The following CCN2 variants were observed in gnomAD, a reference collection of about 807,000 sequenced individuals.
The protein encoded by CCN2 is cellular communication network factor 2.
Under a neutral mutation model 33.2 loss-of-function variants are expected in CCN2, and 22 were observed. The ratio of observed to expected loss-of-function variants is 0.66; its 90% CI spans 0.47 to 0.95. The LOEUF (loss-of-function observed/expected upper bound fraction) is 0.95, where lower values mean the gene tolerates loss of function less well. Among genes scored for constraint, CCN2 ranks in the 40% least tolerant of loss-of-function variants. CCN2 has a pLI of 0.00. For synonymous variants in CCN2, 178 were observed against 200.6 expected (o/e 0.89, Z 0.95); for missense variants, 469 against 498.8 (o/e 0.94, Z 0.57).
In CCN2 at chr6:131,948,986, C is replaced by T; in HGVS notation, c.*278G>A. On this transcript the variant is annotated 3_prime_UTR_variant, in exon 5 of 5. Coordinates refer to ENST00000367976, the MANE Select transcript of CCN2 (RefSeq NM_001901.4). ...TGATACTAACCTTTCTGCTGGTACC[C>T]TCCCACTGCTCCTAAAGCCACACCT... 2.2e-6 allele frequency: 1 copy of T among 458,388 alleles called. No homozygotes were observed. The highest frequency in any genetic ancestry group is 4.0e-6 in the Non-Finnish European group (1 of 249,478). The allele number at this position is 458,388 out of a possible 1,614,324, so 28.4% of individuals were successfully genotyped here.
rs1192991215 is a variant in CCN2, at chr6:131,950,713, G to T, written c.289+57C>A. ...GAGCGGTTTCTTTTTCCAGCGGGCG[G>T]GTGGGCGTGAGGGAGGAGGCGGCCG... On this transcript the variant is annotated intron_variant, in intron 2 of 4. Coordinates refer to ENST00000367976, the MANE Select transcript of CCN2 (RefSeq NM_001901.4). This position sits in a 1 kb window ranked among gnomAD's most constrained non-coding sequence, Gnocchi z 7.1. 1.4e-6 allele frequency: 2 copies of T among 1,480,884 alleles called. No homozygotes were observed. Among genetic ancestry groups the T allele is most frequent in the African/African-American group, 2.8e-5 (2 of 72,296 alleles). 91.7% of individuals were successfully genotyped at this position (1,480,884 alleles called of 1,614,324 possible).
chr6:131,950,079 G>A lies in CCN2; in HGVS notation c.623C>T (p.Ala208Val). Reference sequence around the variant, plus strand: ...GCCCATCCCACAGGTCTTGGAACAGGCGCTCCACTCTGTGGTCTGGACCAG... The same window carrying A: ...GCCCATCCCACAGGTCTTGGAACAGACGCTCCACTCTGTGGTCTGGACCAG... ...NCLVQTTEWSACSKTCGMGIS... is the reference protein window; with the variant it reads ...NCLVQTTEWSVCSKTCGMGIS... The change falls in exon 4 of 5, where the codon GCC (alanine) becomes GTC (valine). Residue 208 changes from alanine (A) to valine (V), a missense_variant. Transcript: ENST00000367976. The surrounding 1 kb of genome is among the most constrained non-coding windows in gnomAD (Gnocchi z 7.1). 4 of 1,614,248 alleles carry A rather than the reference G, an allele frequency of 2.5e-6. No individual in the cohort carries two copies. The highest frequency in any genetic ancestry group is 3.4e-6 in the Non-Finnish European group (4 of 1,180,044).
Position 131,949,181 on chromosome 6 carries a change from A to C in CCN2, c.*83T>G, listed in dbSNP as rs1393833714. On this transcript the variant is annotated 3_prime_UTR_variant, in exon 5 of 5. Transcript: ENST00000367976. ...AAAACAGATTTAAATAACTTGTGCT[A>C]CTGAAATCATTTTTACGGAAAAATG... 1.6e-6 allele frequency: 2 copies of C among 1,213,876 alleles called. No homozygotes were observed. Among genetic ancestry groups the C allele is most frequent in the Non-Finnish European group, 2.4e-6 (2 of 835,752 alleles). The allele number at this position is 1,213,876 out of a possible 1,614,324, so 75.2% of individuals were successfully genotyped here. A position where few individuals can be genotyped will look rare whatever the true frequency, so the allele number is the denominator to read the frequency against.
chr6:131,950,601 C>T lies in CCN2; in HGVS notation c.290-58G>A, dbSNP rs775665838. ...GATGCAGAGGTCAGGCATTGGGGCACTCTCACATCCAGAGCGTCAGGGATG... is the reference window on the plus strand; with the variant it reads ...GATGCAGAGGTCAGGCATTGGGGCATTCTCACATCCAGAGCGTCAGGGATG... On this transcript the variant is annotated intron_variant, in intron 2 of 4. Transcript: ENST00000367976. This position sits in a 1 kb window ranked among gnomAD's most constrained non-coding sequence, Gnocchi z 7.1. 2.5e-6 allele frequency: 4 copies of T among 1,584,524 alleles called. No individual in the cohort carries two copies. The East Asian group carries it at 6.7e-5, about 27-fold the overall frequency.
Position 131,949,929 on chromosome 6 carries a change from A to C in CCN2, c.753+20T>G. ...ACTGTTTTTCCTGTGAAAAATAGTT[A>C]ATAGGAGCAGAACATGTACCTTAAT... On this transcript the variant is annotated intron_variant, in intron 4 of 4. Transcript: ENST00000367976. 1 of 1,611,198 alleles carries C rather than the reference A, an allele frequency of 6.2e-7. No homozygotes were observed. The highest frequency in any genetic ancestry group is 1.1e-5 in the South Asian group (1 of 90,920).
intron 4 of CCN2, 102 bp downstream of exon 4, chr6:131,949,847 G>T: frequency 8.9e-7 from 1 of 1,125,162 alleles, no homozygotes; most frequent in Non-Finnish European, 1.3e-6. Flanking sequence ...AGATAGTTTT[G>T]GAGATAACGG....
Position 131,951,149 on chromosome 6 carries a change from G to C in CCN2, c.24C>G (p.Pro8=). MTAASMG[P]VRVAFVVLLA... The stretch of plus-strand genomic sequence containing the variant: ...GGAGGACCACGAAGGCGACGCGGAC[G>C]GGGCCCATACTGGCGGCGGTCATGG... The change falls in exon 1 of 5, where the codon CCC becomes CCG. Residue 8 remains proline (P), a synonymous_variant. Transcript: ENST00000367976. 7.4e-7 allele frequency: 1 copy of C among 1,347,360 alleles called. No individual in the cohort carries two copies. Among genetic ancestry groups the C allele is most frequent in the South Asian group, 1.9e-5 (1 of 52,692 alleles). 83.5% of individuals were successfully genotyped at this position (1,347,360 alleles called of 1,614,324 possible).
rs1783063122 is a variant in CCN2 at position 131,949,274 on chromosome 6, T to C, written c.1040A>G (p.Asp347Gly). ...TCTCACTCTCTGGCTTCATGCCATG[T>C]CTCCGTACATCTTCCTGTAGTACAG... is the stretch of plus-strand genomic sequence containing the variant. ...ESLYYRKMYG[D>G]MA The change falls in exon 5 of 5, where the codon GAC (aspartate) becomes GGC (glycine). Residue 347 changes from aspartate (D) to glycine (G), a missense_variant. By Grantham distance (94) the Asp-to-Gly change is moderately conservative. Transcript: ENST00000367976. 1 of 1,613,676 alleles carries C rather than the reference T, an allele frequency of 6.2e-7. No individual in the cohort carries two copies. Among genetic ancestry groups the C allele is most frequent in the South Asian group, 1.1e-5 (1 of 91,078 alleles).
chr6:131,949,141 T>A lies in CCN2; in HGVS notation c.*123A>T, dbSNP rs1783060808. The A allele has an allele frequency of 2.3e-6, 2 of 873,474 alleles. No individual in the cohort carries two copies. Among genetic ancestry groups the A allele is most frequent in the African/African-American group, 1.7e-5 (1 of 60,552 alleles). The allele number at this position is 873,474 out of a possible 1,614,324, so 54.1% of individuals were successfully genotyped here. ...AATGTTTTGAATTGGGTGGGAATCT[T>A]TTCCCCCAGTTAGAAAAACAGATTT... On this transcript the variant is annotated 3_prime_UTR_variant, in exon 5 of 5. Transcript: ENST00000367976.
Position 131,950,046 on chromosome 6 carries a change from G to A in CCN2, c.656C>T (p.Thr219Ile). 1 of 1,614,222 alleles carries A rather than the reference G, an allele frequency of 6.2e-7. No homozygotes were observed. The highest frequency in any genetic ancestry group is 1.1e-5 in the South Asian group (1 of 91,082). ...GGAGGCGTTGTCATTGGTAACCCGG[G>A]TGGAGATGCCCATCCCACAGGTCTT... ...CSKTCGMGISTRVTNDNASCR... is the reference protein window; with the variant it reads ...CSKTCGMGISIRVTNDNASCR... The change falls in exon 4 of 5, where the codon ACC (threonine) becomes ATC (isoleucine). Residue 219 changes from threonine to isoleucine, a missense_variant. Transcript: ENST00000367976. The surrounding 1 kb of genome is among the most constrained non-coding windows in gnomAD (Gnocchi z 7.1).
chr6:131,948,455 A>G lies in CCN2; in HGVS notation c.*809T>C, dbSNP rs929421375. 2.0e-5 allele frequency: 3 copies of G among 152,622 alleles called. No homozygotes were observed. The highest frequency in any genetic ancestry group is 2.9e-5 in the Non-Finnish European group (2 of 68,042). 9.5% of individuals were successfully genotyped at this position (152,622 alleles called of 1,614,324 possible). A position where few individuals can be genotyped will look rare whatever the true frequency, so the allele number is the denominator to read the frequency against. ...AAACAATCTGTTTTGACGGACTGTC[A>G]TTCTATCTGAGCAGAATTTCCATAT... On this transcript the variant is annotated 3_prime_UTR_variant, in exon 5 of 5. Transcript: ENST00000367976.
rs1343905254 is a variant in CCN2, at chr6:131,950,750, G to T, written c.289+20C>A. The T allele has an allele frequency of 4.6e-6, 7 of 1,526,750 alleles. No individual in the cohort carries two copies. The highest frequency in any genetic ancestry group is 6.1e-6 in the Non-Finnish European group (7 of 1,141,688). The allele number at this position is 1,526,750 out of a possible 1,614,324, so 94.6% of individuals were successfully genotyped here. A position where few individuals can be genotyped will look rare whatever the true frequency, so the allele number is the denominator to read the frequency against. ...GGAGGAGGCGGCCGGACACCTAGCG[G>T]TGGGGGCTGCGGGTCTTACCGGTGC... On this transcript the variant is annotated intron_variant, in intron 2 of 4. Transcript: ENST00000367976. The surrounding 1 kb of genome is among the most constrained non-coding windows in gnomAD (Gnocchi z 7.1).
At chr6:131,949,806 G>T in intron 4 of CCN2, 143 bp downstream of exon 4, 1 of 871,722 alleles carries the variant, frequency 1.1e-6, no homozygotes, top group Non-Finnish European at 1.7e-6. Flanking sequence ...TATTACACAA[G>T]CTCTCATTCC....
chr6:131,951,092 G>A lies in CCN2; in HGVS notation c.66+15C>T. The A allele has an allele frequency of 1.5e-6, 2 of 1,312,114 alleles. No individual in the cohort carries two copies. The highest frequency in any genetic ancestry group is 2.2e-5 in the South Asian group (1 of 45,670). 81.3% of individuals were successfully genotyped at this position (1,312,114 alleles called of 1,614,324 possible). On this transcript the variant is annotated intron_variant, in intron 1 of 4. Transcript: ENST00000367976. Reference sequence around the variant, plus strand: ...CTGGCAGCCGCCGGCCGCAGCGGGGGCTCCCGGCGCTTACCCGGCTGCAGA... The same window carrying A: ...CTGGCAGCCGCCGGCCGCAGCGGGGACTCCCGGCGCTTACCCGGCTGCAGA...
rs1305454118 is a variant in CCN2, at chr6:131,949,954, T to G, written c.748A>C (p.Ile250Leu). The G allele has an allele frequency of 6.2e-7, 1 of 1,613,970 alleles. No homozygotes were observed. The highest frequency in any genetic ancestry group is 2.2e-5 in the East Asian group (1 of 44,890). The change falls in exon 4 of 5, where the codon ATT becomes CTT. Residue 250 changes from isoleucine to leucine, a missense_variant. Ile to Leu is a conservative substitution (Grantham distance 5). Coordinates refer to ENST00000367976, the MANE Select transcript of CCN2 (RefSeq NM_001901.4). ...AATAGGAGCAGAACATGTACCTTAATGTTCTCTTCCAGGTCAGCTTCGCAA... is the reference window on the plus strand; with the variant it reads ...AATAGGAGCAGAACATGTACCTTAAGGTTCTCTTCCAGGTCAGCTTCGCAA... Reference protein sequence around the residue: ...RPCEADLEENIKKGKKCIRTP... With the variant: ...RPCEADLEENLKKGKKCIRTP...
Position 131,950,332 on chromosome 6 carries a change from G to A in CCN2, c.501C>T (p.Asp167=), listed in dbSNP as rs139453995. The change falls in exon 3 of 5, where the codon GAC becomes GAT. Residue 167 remains aspartate, a synonymous_variant. Coordinates refer to ENST00000367976, the MANE Select transcript of CCN2 (RefSeq NM_001901.4). The surrounding 1 kb of genome is among the most constrained non-coding windows in gnomAD (Gnocchi z 7.1). ...PGKCCEEWVC[D]EPKDQTVVGP... is the part of the protein sequence containing the mutation. ...CAACCACGGTTTGGTCCTTGGGCTC[G>A]TCACACACCCACTCCTCGCAGCATT... is the stretch of plus-strand genomic sequence containing the variant. 2.8e-5 allele frequency: 46 copies of A among 1,614,152 alleles called. No individual in the cohort carries two copies. The African/African-American group carries it at 4.7e-4, about 16-fold the overall frequency.
intron 4 of CCN2, 104 bp downstream of exon 4, chr6:131,949,845 T>G (rs940088272): frequency 8.9e-7 from 1 of 1,121,036 alleles, no homozygotes; most frequent in Non-Finnish European, 1.3e-6. Context: ...TTAGATAGTT[T>G]TGGAGATAAC....
chr6:131,951,079 G>C, intron 1 of CCN2, 28 bp downstream of exon 1: 1 of 1,295,198 alleles, frequency 7.7e-7, no homozygotes, highest in Admixed American at 3.7e-5. Flanking sequence ...GGCAGCCGCC[G>C]GCCGCAGCGG....
At chr6:131,949,707 C>T in intron 4 of CCN2, 147 bp from the exon 5 acceptor site, 4 of 915,362 alleles carry the variant, frequency 4.4e-6, no homozygotes, top group Non-Finnish European at 6.7e-6. Context: ...GTCTCATTTG[C>T]TATGTCCAAA....
Sources: allele counts gnomAD v4.1 joint callset, GRCh38; gene constraint gnomAD v4.1.1; non-coding constraint Gnocchi (gnomAD v3.1); transcripts MANE v1.5; gene names NCBI Gene and HGNC (gene_info 2026-07-23, HGNC 2026-07-21).